The following MICAL3 variants were observed in gnomAD, a reference collection of about 807,000 sequenced individuals.
MICAL3 encodes the protein [F-actin]-monooxygenase MICAL3.
A neutral mutation model predicts 207.4 loss-of-function variants in MICAL3; 62 were observed. The ratio of observed to expected loss-of-function variants is 0.30; its 90% confidence interval spans 0.24 to 0.37. The LOEUF (loss-of-function observed/expected upper bound fraction) is 0.37. Ranked by LOEUF, MICAL3 falls within the 10% of genes least tolerant of loss-of-function variation. The pLI is 1.00. For missense variants in MICAL3, 2,368 were observed against 2,635.6 expected (o/e 0.90, Z 2.22); for synonymous variants, 1,077 against 1,069.3 (o/e 1.01, Z -0.14).
chr22:17,888,471 G>C (rs1472906436), intron 13 of MICAL3, among the ~76,000 whole-genome samples: 1 of 152,172 alleles, frequency 6.6e-6, no homozygotes, highest in Non-Finnish European at 1.5e-5. Context: ...ACAGGAGAAA[G>C]AAGGGCAACA....
intron 3 of MICAL3, among the ~76,000 whole-genome samples, chr22:17,904,205 A>G (rs766087928): frequency 1.4e-4 from 21 of 152,232 alleles, no homozygotes; most frequent in Non-Finnish European, 2.5e-4. Context: ...TTGTTCTTAC[A>G]TTAGTAGAGA....
intron 1 of MICAL3, among the ~76,000 whole-genome samples, chr22:17,963,627 C>T (rs1935017311): frequency 6.6e-6 from 1 of 152,134 alleles, no homozygotes; most frequent in Non-Finnish European, 1.5e-5. Context: ...TGAGACTCTT[C>T]CTGTGAGCCC....
Position 17,902,158 on chromosome 22 carries a change from C to T in MICAL3, c.590-179G>A, listed in dbSNP as rs1266348393. ...TCGTGCCTCTAATCCCAGCACTATG[C>T]GAGGCAGAGGCTGGCAGACTACTTG... On this transcript the variant is annotated intron_variant, in intron 4 of 31. Coordinates refer to ENST00000441493, the MANE Select transcript of MICAL3 (RefSeq NM_015241.3). The surrounding 1 kb of genome is among the most constrained non-coding windows in gnomAD (Gnocchi z 4.5). Among the ~76,000 whole-genome samples the T allele has an allele frequency of 6.6e-6, 1 of 152,180 alleles. No individual in the cohort carries two copies.
At chr22:17,948,239 G>A (rs1015721600) in intron 1 of MICAL3, among the ~76,000 whole-genome samples, 5 of 152,230 alleles carry the variant, frequency 3.3e-5, no homozygotes, top group African/African-American at 7.2e-5. Context: ...AAGTGCCCCC[G>A]CAGGAGGATG....
chr22:17,851,751 G>GA (rs2146102477), intron 19 of MICAL3, among the ~76,000 whole-genome samples: 1 of 152,348 alleles, frequency 6.6e-6, no homozygotes, highest in South Asian at 2.1e-4. Context: ...ACTCAGGAGA[G>GA]AAATTCTGAC....
chr22:17,881,109 TG>T, intron 16 of MICAL3: 1 of 1,030,400 alleles, frequency 9.7e-7, no homozygotes, highest in Non-Finnish European at 1.5e-6. Context: ...TAGTTATTGC[TG>T]GTAAGAGGGA....
At chr22:18,003,289 G>A (rs1008183946) in intron 1 of MICAL3, among the ~76,000 whole-genome samples, 1 of 152,052 alleles carries the variant, frequency 6.6e-6, no homozygotes, top group Non-Finnish European at 1.5e-5. Context: ...ATCTCTTAGA[G>A]AAGAATATTC....
intron 1 of MICAL3, among the ~76,000 whole-genome samples, chr22:17,969,276 T>A (rs1935294946): frequency 6.6e-6 from 1 of 152,352 alleles, no homozygotes; most frequent in African/African-American, 2.4e-5. Context: ...CCTGACCTCG[T>A]GATCCACCTG....
chr22:17,816,370 C>A (rs1044565576), intron 27 of MICAL3, among the ~76,000 whole-genome samples: 2 of 152,246 alleles, frequency 1.3e-5, no homozygotes, highest in African/African-American at 4.8e-5. Flanking sequence ...CTGCTCCCCG[C>A]GGGATCACCT....
intron 29 of MICAL3, among the ~76,000 whole-genome samples, chr22:17,808,551 G>A (rs2062011079): frequency 6.6e-6 from 1 of 152,216 alleles, no homozygotes; most frequent in South Asian, 2.1e-4. Flanking sequence ...TAAATGGTGG[G>A]GTGGGAAGGA....
intron 12 of MICAL3, among the ~76,000 whole-genome samples, chr22:17,890,797 G>C (rs1255367226): frequency 1.3e-5 from 2 of 152,168 alleles, no homozygotes; most frequent in Admixed American, 6.5e-5. Context: ...TGAATCCTTC[G>C]GTTTGGCTTC....
intron 1 of MICAL3, among the ~76,000 whole-genome samples, chr22:17,968,631 CAA>C (rs1935260216): frequency 6.6e-6 from 1 of 152,166 alleles, no homozygotes; most frequent in South Asian, 2.1e-4. Flanking sequence ...AGCCGATACT[CAA>C]AGAGTGATAT....
intron 1 of MICAL3, chr22:18,007,238 G>A (rs752055594): frequency 2.9e-4 from 44 of 152,022 alleles, no homozygotes; most frequent in Non-Finnish European, 6.0e-4. Flanking sequence ...TACCCATTAC[G>A]TTCACCAGCA....
chr22:17,875,415 G>A (rs1410726556), intron 16 of MICAL3: 10 of 1,377,842 alleles, frequency 7.3e-6, no homozygotes, highest in African/African-American at 3.0e-5. Flanking sequence ...GCTGCGGAGG[G>A]CAGAGTTTTA....
intron 19 of MICAL3, chr22:17,861,962 T>C (rs545835790): frequency 4.7e-5 from 46 of 985,356 alleles, no homozygotes; most frequent in Middle Eastern, 5.2e-4. Context: ...AGCAAGAATT[T>C]TGGCATAAAA....
chr22:17,998,541 A>G (rs1922562859), intron 1 of MICAL3, among the ~76,000 whole-genome samples: 2 of 139,286 alleles, frequency 1.4e-5, no homozygotes, highest in Non-Finnish European at 3.1e-5. Flanking sequence ...GCATAATAAT[A>G]ATAATAATTA....
At chr22:17,827,934 TAC>T (rs60820224) in intron 21 of MICAL3, among the ~76,000 whole-genome samples, 153 bp from the exon 22 acceptor site, 32 of 150,694 alleles carry the variant, frequency 2.1e-4, no homozygotes, top group East Asian at 5.8e-4. Flanking sequence ...TGCACATGTA[TAC>T]ACACACACAC....
intron 22 of MICAL3, among the ~76,000 whole-genome samples, chr22:17,824,042 C>A (rs1197470820): frequency 6.6e-6 from 1 of 152,110 alleles, no homozygotes; most frequent in Non-Finnish European, 1.5e-5. Flanking sequence ...TGAGGCAAAA[C>A]CCTCGACAAC....
At chr22:17,975,525 G>A (rs1266157332) in intron 1 of MICAL3, among the ~76,000 whole-genome samples, 2 of 151,786 alleles carry the variant, frequency 1.3e-5, no homozygotes, top group Non-Finnish European at 2.9e-5. Context: ...CAGCCCCCCA[G>A]CTACAGGACT....
Sources: gnomAD v4.1 joint callset for allele counts (sites outside exome capture counted in the v4.1 genomes callset) on GRCh38, gnomAD v4.1.1 for gene constraint, Gnocchi (gnomAD v3.1) non-coding constraint, MANE v1.5 for transcripts, NCBI Gene and HGNC (gene_info 2026-07-23, HGNC 2026-07-21) for gene names.